Variants in ZFAND1 observed in about 807,000 individuals in gnomAD.
ZFAND1 encodes zinc finger AN1-type containing 1, also known as AN1-type zinc finger protein 1.
ZFAND1 carries 40 observed loss-of-function variants against 38.5 expected under a neutral mutation model. The observed-to-expected ratio is 1.04, with a 90% CI of 0.81 to 1.35. The LOEUF is 1.35. ZFAND1 is among the 40% of genes most tolerant of loss of function. The pLI is 0.00. For synonymous variants in ZFAND1, 117 were observed against 103.6 expected, an observed-to-expected ratio of 1.13 and a Z score of -0.78; for missense variants, 346 against 316.3, an observed-to-expected ratio of 1.09 and a Z score of -0.71.
At position 81,706,370 on chromosome 8, in the gene ZFAND1, C is replaced by CAAAAAAAAAAAAAAAAAAAA. The variant is rs35031788; in HGVS notation, c.481-3266_481-3247dup. ...CAAGTAAGCCCTAAGGAAGGAGAAA[C>CAAAAAAAAAAAAAAAAAAAA]AAAAAAAAAAAAAAAAAAAAAAAAG... On this transcript the variant is annotated intron_variant, in intron 6 of 7. Transcript: ENST00000220669. Among the ~76,000 whole-genome samples the CAAAAAAAAAAAAAAAAAAAA allele has an allele frequency of 2.8e-4, 20 of 72,670 alleles. 1 individual carries two copies. The highest frequency in any genetic ancestry group is 4.1e-4 in the Admixed American group (2 of 4,832). The allele number at this position is 72,670 out of a possible 152,430, so 47.7% of individuals were successfully genotyped here. A position where few individuals can be genotyped will look rare whatever the true frequency, so the allele number is the denominator to read the frequency against.
At chr8:81,717,356 T>G in intron 2 of ZFAND1, 68 bp from the exon 3 acceptor site, 1 of 1,287,776 alleles carries the variant, frequency 7.8e-7, no homozygotes, top group East Asian at 2.7e-5. Context: ...ATTTGCGATA[T>G]TTTAATGTTC....
intron 6 of ZFAND1, chr8:81,708,856 T>C: frequency 8.5e-7 from 1 of 1,171,046 alleles, no homozygotes; most frequent in Non-Finnish European, 1.1e-6. Flanking sequence ...AAAATATATC[T>C]CAGAAGAGCT....
At chr8:81,718,147 A>T in intron 2 of ZFAND1, 35 bp downstream of exon 2, 1 of 1,515,784 alleles carries the variant, frequency 6.6e-7, no homozygotes, top group Non-Finnish European at 9.0e-7. Flanking sequence ...AAACACTAAA[A>T]TTACTCCCAA....
rs1403617963 is a variant in ZFAND1, at chr8:81,714,841, T to A, written c.321A>T (p.Arg107=). 2 of 1,614,110 alleles carry A rather than the reference T, an allele frequency of 1.2e-6. No homozygotes were observed. The highest frequency in any genetic ancestry group is 4.5e-5 in the East Asian group (2 of 44,874). Residue 107 remains arginine, a synonymous_variant, in exon 5 of 8, where the codon CGA becomes CGT. Coordinates refer to ENST00000220669, the MANE Select transcript of ZFAND1 (RefSeq NM_024699.3). ...ECEKLEIPKP[R]MAATQKLVKD... ...TAACAAGTTTCTGAGTGGCAGCCAT[T>A]CGAGGCTTTGGGATTTCCAGTTTTT...
intron 6 of ZFAND1, among the ~76,000 whole-genome samples, chr8:81,706,394 A>AAAAAAAAAAG (rs1807985799): frequency 6.9e-6 from 1 of 144,878 alleles, no homozygotes; most frequent in East Asian, 2.2e-4. Flanking sequence ...AAAAAAAAAA[A>AAAAAAAAAAG]GAAGTGTTGG....
intron 5 of ZFAND1, 173 bp downstream of exon 5, chr8:81,714,631 C>T (rs920532837): frequency 1.5e-5 from 9 of 600,396 alleles, no homozygotes; most frequent in Non-Finnish European, 2.6e-5. Context: ...TCCAAATTTC[C>T]ATCGGTCAGG....
intron 6 of ZFAND1, among the ~76,000 whole-genome samples, chr8:81,703,416 C>CTTAT (rs72102286): frequency 6.6e-6 from 1 of 151,380 alleles, no homozygotes; most frequent in African/African-American, 2.4e-5. Flanking sequence ...GAGCACTCTC[C>CTTAT]TTATTTATTT....
chr8:81,714,319 C>G (rs749568340), intron 5 of ZFAND1: 44 of 302,776 alleles, frequency 1.5e-4, no homozygotes, highest in Non-Finnish European at 1.9e-4. Flanking sequence ...CTTCTACAGA[C>G]AACCTTAAGA....
intron 6 of ZFAND1, among the ~76,000 whole-genome samples, chr8:81,703,908 AT>A (rs1807888605): frequency 6.6e-6 from 1 of 152,168 alleles, no homozygotes; most frequent in African/African-American, 2.4e-5. Flanking sequence ...GAGTTCCTGA[AT>A]TCATCCCCTA....
In ZFAND1 at chr8:81,713,786, CAT is replaced by C. The variant is rs1563608059; in HGVS notation, c.480+130_480+131del. On this transcript the variant is annotated intron_variant, in intron 6 of 7. Transcript: ENST00000220669. ...AAAAACTTTGTATTATTTATGCAGACATATACCATGCAACATTAAGAATGATA... is the reference window on the plus strand; with the variant it reads ...AAAAACTTTGTATTATTTATGCAGACATACCATGCAACATTAAGAATGATA... The C allele has an allele frequency of 4.6e-6, 4 of 873,170 alleles. No individual in the cohort carries two copies. In the African/African-American group the frequency reaches 6.7e-5, roughly 15 times the overall value. The allele number at this position is 873,170 out of a possible 1,614,324, so 54.1% of individuals were successfully genotyped here.
chr8:81,704,437 C>T (rs1283274255), intron 6 of ZFAND1, among the ~76,000 whole-genome samples: 1 of 150,136 alleles, frequency 6.7e-6, no homozygotes, highest in Non-Finnish European at 1.5e-5. Context: ...ACTTTGGAGG[C>T]TGAGGTGGGA....
chr8:81,706,426 T>C (rs1807987637), intron 6 of ZFAND1, among the ~76,000 whole-genome samples: 1 of 136,722 alleles, frequency 7.3e-6, no homozygotes, highest in Admixed American at 7.3e-5. Context: ...AGCTATTAAC[T>C]TAGAATTAAT....
intron 2 of ZFAND1, among the ~76,000 whole-genome samples, chr8:81,717,965 A>G (rs1442339782): frequency 6.6e-6 from 1 of 152,130 alleles, no homozygotes; most frequent in Non-Finnish European, 1.5e-5. Context: ...AGACAAAAAT[A>G]TAACTTTTAT....
intron 6 of ZFAND1, among the ~76,000 whole-genome samples, chr8:81,709,010 G>A (rs1305202285): frequency 3.9e-5 from 6 of 152,026 alleles, no homozygotes; most frequent in African/African-American, 7.2e-5. Flanking sequence ...TAAAATATGC[G>A]TACCATTTGA....
At chr8:81,708,920 G>GTTTTGT in intron 6 of ZFAND1, 1 of 404,710 alleles carries the variant, frequency 2.5e-6, no homozygotes, top group Non-Finnish European at 3.8e-6. Context: ...ACTTAGTATA[G>GTTTTGT]GCAATCCGTC....
chr8:81,706,985 A>G (rs1319535379), intron 6 of ZFAND1, among the ~76,000 whole-genome samples: 5 of 152,234 alleles, frequency 3.3e-5, no homozygotes, highest in Non-Finnish European at 7.3e-5. Flanking sequence ...CTGAATAAAT[A>G]AAGACATATA....
chr8:81,707,382 G>T (rs1334212255), intron 6 of ZFAND1, among the ~76,000 whole-genome samples: 1 of 152,188 alleles, frequency 6.6e-6, no homozygotes, highest in Non-Finnish European at 1.5e-5. Flanking sequence ...AACATGAGGG[G>T]ATGTAGGAAG....
intron 3 of ZFAND1, 68 bp downstream of exon 3, chr8:81,717,181 A>G (rs1343255169): frequency 5.8e-6 from 8 of 1,368,824 alleles, no homozygotes; most frequent in Non-Finnish European, 7.9e-6. Context: ...CTTTAAATCT[A>G]ATCAAATTCT....
At chr8:81,711,555 G>A (rs1808142268) in intron 6 of ZFAND1, among the ~76,000 whole-genome samples, 1 of 151,954 alleles carries the variant, frequency 6.6e-6, no homozygotes, top group African/African-American at 2.4e-5. Context: ...AAAACACAGA[G>A]GTCTTTAAAT....
Sources: gnomAD v4.1 joint callset for allele counts (sites outside exome capture counted in the v4.1 genomes callset) on GRCh38, gnomAD v4.1.1 for gene constraint, MANE v1.5 for transcripts, NCBI Gene and HGNC (gene_info 2026-07-23, HGNC 2026-07-21) for gene names.